The following ANKRD6 variants were observed in gnomAD, a reference collection of about 807,000 sequenced individuals.
ANKRD6 encodes the protein ankyrin repeat domain-containing protein 6.
In ANKRD6, 56 loss-of-function variants were observed where a neutral mutation model predicts 82.3. That is an observed-to-expected ratio of 0.68 (90% CI 0.55 to 0.85). The LOEUF (loss-of-function observed/expected upper bound fraction) is 0.85, where lower values mean the gene tolerates loss of function less well. ANKRD6 is among the 40% of genes least tolerant of loss of function. The pLI, the probability that ANKRD6 is intolerant of heterozygous loss-of-function variation, is 0.00. For synonymous variants in ANKRD6, 347 were observed against 352.1 expected (o/e 0.99, Z 0.16); for missense variants, 852 against 907.6 (o/e 0.94, Z 0.79).
chr6:89,612,757 T>C (rs1030295638), intron 6 of ANKRD6, among the ~76,000 whole-genome samples: 11 of 151,946 alleles, frequency 7.2e-5, no homozygotes, highest in South Asian at 4.2e-4. Context: ...ACAGGGGAGG[T>C]CCTCTAATGC....
At chr6:89,473,795 A>G (rs965394094) in intron 1 of ANKRD6, among the ~76,000 whole-genome samples, 6 of 152,016 alleles carry the variant, frequency 3.9e-5, no homozygotes, top group African/African-American at 7.2e-5. Flanking sequence ...CCTGGTCAAC[A>G]TGGTGAAACC....
At position 89,444,968 on chromosome 6, in the gene ANKRD6, CA is replaced by C. The variant is rs879672860; in HGVS notation, c.-144+11604del. ...GAGTGACAAGAGCGAAACTCCATGT[CA>C]AAAAAAAAAATCTATGTAAGACTAT... is the stretch of plus-strand genomic sequence containing the variant. On this transcript the variant is annotated intron_variant, in intron 1 of 15. Transcript: ENST00000339746. Among the ~76,000 whole-genome samples, 671 of 145,232 alleles carry C rather than the reference CA, an allele frequency of 4.6e-3. 8 individuals carry two copies. Among genetic ancestry groups the C allele is most frequent in the African/African-American group, 0.015 (602 of 39,702 alleles).
chr6:89,544,716 A>G (rs1460522267), intron 1 of ANKRD6, among the ~76,000 whole-genome samples: 4 of 151,944 alleles, frequency 2.6e-5, no homozygotes, highest in Admixed American at 2.0e-4. Context: ...TCTATGTCCA[A>G]AAAAACCCCA....
intron 1 of ANKRD6, among the ~76,000 whole-genome samples, chr6:89,443,394 TC>T (rs1771670633): frequency 6.6e-6 from 1 of 152,304 alleles, no homozygotes; most frequent in African/African-American, 2.4e-5. Context: ...CTCCATAGAT[TC>T]TAATTCACTA....
chr6:89,621,812 C>T (rs1411482486), intron 9 of ANKRD6, 110 bp from the exon 10 acceptor site: 1 of 1,052,856 alleles, frequency 9.5e-7, no homozygotes, highest in Non-Finnish European at 1.4e-6. Context: ...CCTGCTCTCA[C>T]CCTCTAAGCT....
chr6:89,592,569 TC>T (rs1795109814), intron 2 of ANKRD6, among the ~76,000 whole-genome samples: 1 of 152,144 alleles, frequency 6.6e-6, no homozygotes, highest in African/African-American at 2.4e-5. Context: ...TCCAGGCCCA[TC>T]CTGTTGGTAA....
intron 3 of ANKRD6, among the ~76,000 whole-genome samples, chr6:89,600,284 T>G (rs2128168315): frequency 1.3e-5 from 2 of 152,224 alleles, no homozygotes; most frequent in Middle Eastern, 6.8e-3. Context: ...AACTCATAAT[T>G]TAGAGGGCAG....
At chr6:89,515,039 C>T (rs1243326917) in intron 1 of ANKRD6, among the ~76,000 whole-genome samples, 2 of 152,150 alleles carry the variant, frequency 1.3e-5, no homozygotes, top group Non-Finnish European at 2.9e-5. Flanking sequence ...ATTAGATTAT[C>T]TTTTTCTTAT....
Position 89,466,291 on chromosome 6 carries a change from C to A in ANKRD6, c.-144+32916C>A, listed in dbSNP as rs193245139. 2.4e-3 allele frequency among the ~76,000 whole-genome samples: 361 copies of A among 152,234 alleles called. 1 individual carries two copies. Among genetic ancestry groups the A allele is most frequent in the African/African-American group, 8.4e-3 (350 of 41,554 alleles). The stretch of plus-strand genomic sequence containing the variant: ...TTTATTTTTATATGTAATGCTTGAA[C>A]AAACATTTTTTGTACATTAATTTCA... On this transcript the variant is annotated intron_variant, in intron 1 of 15. Coordinates refer to ENST00000339746, the MANE Select transcript of ANKRD6 (RefSeq NM_001242809.2).
intron 3 of ANKRD6, among the ~76,000 whole-genome samples, chr6:89,600,774 G>C (rs1043842676): frequency 6.6e-6 from 1 of 152,062 alleles, no homozygotes; most frequent in Admixed American, 6.6e-5. Flanking sequence ...GGTGGCTCGC[G>C]CCTGTAATCC....
chr6:89,604,353 T>A (rs2094487), intron 4 of ANKRD6, among the ~76,000 whole-genome samples: 99,086 of 151,888 alleles, frequency 0.65, 34,672 homozygotes, highest in Non-Finnish European at 0.79. Flanking sequence ...AAAGAAAAAT[T>A]GATTATTTAA....
At chr6:89,567,756 C>T (rs1228306781) in intron 2 of ANKRD6, among the ~76,000 whole-genome samples, 1 of 152,198 alleles carries the variant, frequency 6.6e-6, no homozygotes, top group East Asian at 1.9e-4. Flanking sequence ...CCTAGTATTG[C>T]TGTAAGCACT....
intron 3 of ANKRD6, among the ~76,000 whole-genome samples, chr6:89,600,647 A>G (rs371760637): frequency 6.6e-6 from 1 of 152,128 alleles, no homozygotes; most frequent in African/African-American, 2.4e-5. Flanking sequence ...GCAGGTCAGT[A>G]ATCATCATTG....
At chr6:89,500,427 TGGTTAGAAAAATGCATCAG>T (rs776101398) in intron 1 of ANKRD6, among the ~76,000 whole-genome samples, 5 of 152,172 alleles carry the variant, frequency 3.3e-5, no homozygotes, top group Non-Finnish European at 7.4e-5. Flanking sequence ...GAATATACCA[TGGTTAGAAAAATGCATCAG>T]GCTGCAAAAT....
intron 2 of ANKRD6, among the ~76,000 whole-genome samples, chr6:89,581,102 C>T (rs554641795): frequency 9.2e-5 from 14 of 152,288 alleles, no homozygotes; most frequent in African/African-American, 7.2e-5. Flanking sequence ...GAGATATTTA[C>T]GTACATACAC....
chr6:89,631,801 C>G lies in ANKRD6; in HGVS notation c.*797C>G, dbSNP rs372368876. On this transcript the variant is annotated 3_prime_UTR_variant, in exon 16 of 16. Transcript: ENST00000339746. Reference sequence around the variant, plus strand: ...ATTACCTGAAAATTTATAACCTATTCCTAATCAAACCCAATTATATCAGAA... The same window carrying G: ...ATTACCTGAAAATTTATAACCTATTGCTAATCAAACCCAATTATATCAGAA... The G allele has an allele frequency of 6.6e-6, 1 of 152,122 alleles. No homozygotes were observed. Among genetic ancestry groups the G allele is most frequent in the South Asian group, 2.1e-4 (1 of 4,826 alleles). The allele number at this position is 152,122 out of a possible 1,614,324, so 9.4% of individuals were successfully genotyped here.
At chr6:89,540,164 G>A (rs185048450) in intron 1 of ANKRD6, among the ~76,000 whole-genome samples, 1 of 152,236 alleles carries the variant, frequency 6.6e-6, no homozygotes, top group East Asian at 1.9e-4. Context: ...TGGGATTGCT[G>A]GATCATATCG....
intron 1 of ANKRD6, among the ~76,000 whole-genome samples, chr6:89,492,470 G>A (rs1413337304): frequency 2.0e-5 from 3 of 152,170 alleles, no homozygotes; most frequent in African/African-American, 7.2e-5. Context: ...TGTGTTTGCA[G>A]GGAGAGTAAT....
At chr6:89,578,947 T>TC (rs1471271044) in intron 2 of ANKRD6, among the ~76,000 whole-genome samples, 2 of 152,150 alleles carry the variant, frequency 1.3e-5, no homozygotes, top group African/African-American at 4.8e-5. Flanking sequence ...TCCTTGCCCT[T>TC]CCACCACTAT....
Sources: allele counts gnomAD v4.1 joint callset (sites outside exome capture counted in the v4.1 genomes callset), GRCh38; gene constraint gnomAD v4.1.1; transcripts MANE v1.5; gene names NCBI Gene and HGNC (gene_info 2026-07-23, HGNC 2026-07-21).